LAMC3: variants seen among roughly 807,000 people sequenced by gnomAD.
The protein encoded by LAMC3 is laminin subunit gamma 3, also known as laminin subunit gamma-3.
Under a neutral mutation model 173.8 loss-of-function variants are expected in LAMC3, and 128 were observed. The observed-to-expected ratio is 0.74, with a 90% CI of 0.64 to 0.85. The LOEUF is 0.85. Among genes scored for constraint, LAMC3 ranks in the 40% least tolerant of loss-of-function variants. The probability of loss-of-function intolerance (pLI) is 0.00; values close to 1 mark genes in which losing one functional copy is unlikely to be tolerated. For synonymous variants in LAMC3, 897 were observed against 909.1 expected (o/e 0.99, Z 0.24); for missense variants, 2,022 against 2,156.0 (o/e 0.94, Z 1.23).
chr9:131,061,255 G>A (rs750092218), intron 13 of LAMC3, 32 bp downstream of exon 13: 24 of 1,568,180 alleles, frequency 1.5e-5, no homozygotes, highest in Admixed American at 8.6e-5. Context: ...GCCCTGCCCC[G>A]CAGAGGGCCA....
chr9:131,072,295 A>C (rs918730394), intron 18 of LAMC3, among the ~76,000 whole-genome samples: 1 of 152,222 alleles, frequency 6.6e-6, no homozygotes, highest in Non-Finnish European at 1.5e-5. Context: ...GCTATCAGAT[A>C]CCGTGTCTTA....
intron 2 of LAMC3, among the ~76,000 whole-genome samples, chr9:131,031,099 C>T (rs527727910): frequency 2.0e-5 from 3 of 152,344 alleles, no homozygotes; most frequent in Non-Finnish European, 2.9e-5. Context: ...CTCCGGTTGC[C>T]GAGCTCTCGG....
At chr9:131,020,873 G>C (rs1460116227) in intron 1 of LAMC3, among the ~76,000 whole-genome samples, 2 of 152,212 alleles carry the variant, frequency 1.3e-5, no homozygotes, top group Admixed American at 1.3e-4. Context: ...CAAACGTGGA[G>C]TCTGGCTTTC....
chr9:131,054,724 A>G (rs748757131), intron 11 of LAMC3, among the ~76,000 whole-genome samples: 71 of 151,344 alleles, frequency 4.7e-4, no homozygotes, highest in Non-Finnish European at 8.3e-4. Flanking sequence ...CAGCCTGGGT[A>G]GCAGAGCCAG....
rs1355839170 is a variant in LAMC3, at chr9:131,075,856, G to A, written c.3520G>A (p.Ala1174Thr). ...RSHRDTATKIAATAWRALLAS... is the reference protein window; with the variant it reads ...RSHRDTATKITATAWRALLAS... Reference sequence around the variant, plus strand: ...CCACAGAGACACCGCCACCAAGATCGCAGCCACTGCTTGGAGGGCCCTGCT... The same window carrying A: ...CCACAGAGACACCGCCACCAAGATCACAGCCACTGCTTGGAGGGCCCTGCT... The change falls in exon 21 of 28, where the codon GCA (alanine) becomes ACA (threonine). Residue 1174 changes from alanine (A) to threonine (T), a missense_variant. Physicochemically the swap from Ala to Thr is moderately conservative, Grantham distance 58. Coordinates refer to ENST00000361069, the MANE Select transcript of LAMC3 (RefSeq NM_006059.4). 10 of 1,611,872 alleles carry A rather than the reference G, an allele frequency of 6.2e-6. No individual in the cohort carries two copies. Among genetic ancestry groups the A allele is most frequent in the East Asian group, 2.2e-5 (1 of 44,836 alleles).
intron 17 of LAMC3, 51 bp from the exon 18 acceptor site, chr9:131,071,433 A>G: frequency 1.2e-6 from 2 of 1,605,122 alleles, no homozygotes; most frequent in South Asian, 1.1e-5. Flanking sequence ...GTGTCTGGGC[A>G]GGACCTCCAT....
intron 12 of LAMC3, 87 bp from the exon 13 acceptor site, chr9:131,060,948 G>A (rs1829796469): frequency 2.2e-6 from 3 of 1,392,320 alleles, no homozygotes; most frequent in Admixed American, 1.7e-5. Context: ...CTTCTGCCCG[G>A]GATGTGCTCC....
Position 131,069,705 on chromosome 9 carries a change from C to T in LAMC3, c.2924C>T (p.Ala975Val), listed in dbSNP as rs756683242. The T allele has an allele frequency of 2.1e-5, 34 of 1,603,642 alleles. 1 individual carries two copies. The East Asian group carries it at 7.2e-4, about 34-fold the overall frequency. ...CRCSPLGAAS[A>V]QCHENGTCVC... ...TGCTCCCCACTGGGCGCTGCCTCGG[C>T]CCAGTGCCACGAGAACGGCACATGC... Residue 975 changes from alanine (A) to valine (V), a missense_variant, in exon 17 of 28, where the codon GCC becomes GTC. Coordinates refer to ENST00000361069, the MANE Select transcript of LAMC3 (RefSeq NM_006059.4).
intron 20 of LAMC3, among the ~76,000 whole-genome samples, chr9:131,074,965 T>C (rs1207892414): frequency 1.3e-5 from 2 of 151,760 alleles, no homozygotes; most frequent in East Asian, 3.9e-4. Flanking sequence ...CTTTCACGTG[T>C]GATAAAAGGT....
chr9:131,061,101 G>A lies in LAMC3; in HGVS notation c.2225G>A (p.Gly742Asp), dbSNP rs563186161. ...SCERCLPGFY[G>D]NPFAGQADDC... is the part of the protein sequence containing the mutation. ...GAACGCTGTTTGCCAGGTTTCTATG[G>A]CAACCCTTTCGCGGGCCAAGCCGAC... Residue 742 changes from glycine (G) to aspartate (D), a missense_variant, in exon 13 of 28, where the codon GGC becomes GAC. By Grantham distance (94) the Gly-to-Asp change is moderately conservative (BLOSUM62 -1). Transcript: ENST00000361069. 53 of 1,614,040 alleles carry A rather than the reference G, an allele frequency of 3.3e-5. 1 individual carries two copies. In the East Asian group the frequency reaches 1.1e-3, roughly 34 times the overall value.
intron 1 of LAMC3, among the ~76,000 whole-genome samples, chr9:131,010,740 A>G (rs1833400569): frequency 1.3e-5 from 2 of 152,242 alleles, no homozygotes; most frequent in African/African-American, 4.8e-5. Flanking sequence ...GCCCGGTGGC[A>G]TGGCCTCTCT....
intron 7 of LAMC3, among the ~76,000 whole-genome samples, chr9:131,044,496 C>G (rs1233342182): frequency 2.0e-5 from 3 of 152,096 alleles, no homozygotes; most frequent in African/African-American, 7.2e-5. Flanking sequence ...GGCAACAGAG[C>G]GAGACTTCGT....
At position 131,087,403 on chromosome 9, in the gene LAMC3, A is replaced by G. The variant is rs888575991; in HGVS notation, c.4231-73A>G. 6.4e-6 allele frequency: 10 copies of G among 1,567,692 alleles called. No homozygotes were observed. In the African/African-American group the frequency reaches 6.7e-5, roughly 11 times the overall value. On this transcript the variant is annotated intron_variant, in intron 25 of 27. Coordinates refer to ENST00000361069, the MANE Select transcript of LAMC3 (RefSeq NM_006059.4). ...CAGACAACTGCTTGGCATCATTGCC[A>G]TAAGAGCTATTTACCTCCAAAAGGA...
In LAMC3 at chr9:131,067,794, C is replaced by T. The variant is rs34873763; in HGVS notation, c.2594-284C>T. On this transcript the variant is annotated intron_variant, in intron 14 of 27. Coordinates refer to ENST00000361069, the MANE Select transcript of LAMC3 (RefSeq NM_006059.4). Reference sequence around the variant, plus strand: ...GGTGCAGGGCTGTGCCTGTGACCCTCGCCCAAGTCTCTGGCCCTCTGCAGC... The same window carrying T: ...GGTGCAGGGCTGTGCCTGTGACCCTTGCCCAAGTCTCTGGCCCTCTGCAGC... 0.74 allele frequency among the ~76,000 whole-genome samples: 112,861 copies of T among 151,992 alleles called. 42,997 individuals are homozygous for T. The highest frequency in any genetic ancestry group is 0.83 in the Non-Finnish European group (56,237 of 67,942).
chr9:131,036,294 G>A lies in LAMC3; in HGVS notation c.938G>A (p.Trp313Ter). Residue 313 changes from tryptophan (W) to a stop codon, truncating the protein, a stop_gained, in exon 4 of 28, where the codon TGG becomes TAG. Transcript: ENST00000361069. LOFTEE classifies it high-confidence loss of function. Reference sequence around the variant, plus strand: ...CTGCCCTTCTTCCAGGACCGCCCGTGGGCCCGGGGCACCGCCGAGGCTGCC... The same window carrying A: ...CTGCCCTTCTTCCAGGACCGCCCGTAGGCCCGGGGCACCGCCGAGGCTGCC... The part of the protein sequence containing the change: ...RCLPFFQDRP[W>*]ARGTAEAAHE... 1 of 1,613,256 alleles carries A rather than the reference G, an allele frequency of 6.2e-7. No individual in the cohort carries two copies. Among genetic ancestry groups the A allele is most frequent in the Non-Finnish European group, 8.5e-7 (1 of 1,179,906 alleles).
intron 18 of LAMC3, 117 bp downstream of exon 18, chr9:131,071,742 C>G: frequency 9.9e-7 from 1 of 1,009,496 alleles, no homozygotes; most frequent in Non-Finnish European, 1.4e-6. Context: ...TGCCATGGGC[C>G]TTTACTTCCC....
chr9:131,071,913 T>G (rs1257246909), intron 18 of LAMC3, among the ~76,000 whole-genome samples: 2 of 152,226 alleles, frequency 1.3e-5, no homozygotes, highest in African/African-American at 4.8e-5. Context: ...GGGAGGGTCT[T>G]GCTGTCTTGA....
chr9:131,048,482 G>A (rs1395971667), intron 8 of LAMC3, among the ~76,000 whole-genome samples: 1 of 152,112 alleles, frequency 6.6e-6, no homozygotes. Context: ...TTTGGCCTCT[G>A]CCTCATTGCC....
chr9:131,047,814 G>T (rs1834199052), intron 8 of LAMC3, among the ~76,000 whole-genome samples: 2 of 151,582 alleles, frequency 1.3e-5, no homozygotes, highest in African/African-American at 4.8e-5. Context: ...AGTGAGCCGA[G>T]ATCGCGCCAC....
Sources: gnomAD v4.1 joint callset for allele counts (sites outside exome capture counted in the v4.1 genomes callset) on GRCh38, gnomAD v4.1.1 for gene constraint, MANE v1.5 for transcripts, NCBI Gene and HGNC (gene_info 2026-07-23, HGNC 2026-07-21) for gene names.